Variants in TRPC5OS observed in about 807,000 individuals in gnomAD.
TRPC5OS encodes the protein putative uncharacterized protein TRPC5OS.
For missense variants in TRPC5OS, 64 were observed against 79.3 expected, an observed-to-expected ratio of 0.81 and a Z score of 0.73; for synonymous variants, 30 against 29.3, an observed-to-expected ratio of 1.02 and a Z score of -0.08.
At chrX:111,876,316 G>A (rs1321784394) in intron 1 of TRPC5OS, 43 bp downstream of exon 1, 2 of 111,449 alleles carry the variant, frequency 1.8e-5, no homozygotes, top group Non-Finnish European at 3.8e-5. Context: ...AAGTCTATGA[G>A]AGAAGACAGA....
intron 1 of TRPC5OS, among the ~76,000 whole-genome samples, chrX:111,885,441 T>C (rs1040059002): frequency 1.8e-5 from 2 of 111,351 alleles, no homozygotes; most frequent in Non-Finnish European, 3.8e-5. Flanking sequence ...CAACTCATCC[T>C]AGTTTTCCTA....
intron 1 of TRPC5OS, among the ~76,000 whole-genome samples, chrX:111,880,165 G>T (rs750289876): frequency 1.1e-4 from 12 of 109,275 alleles, no homozygotes; most frequent in Non-Finnish European, 1.5e-4. Flanking sequence ...ATCTGTCCTT[G>T]CCCTGTAGCA....
intron 1 of TRPC5OS, among the ~76,000 whole-genome samples, chrX:111,892,255 CCTT>C (rs1199157269): frequency 2.7e-5 from 3 of 112,282 alleles, no homozygotes; most frequent in Non-Finnish European, 5.6e-5. Flanking sequence ...ATAATGCTCT[CCTT>C]CTTATCCAAA....
intron 3 of TRPC5OS, among the ~76,000 whole-genome samples, chrX:111,898,954 A>G (rs994696385): frequency 9.1e-6 from 1 of 110,251 alleles, no homozygotes; most frequent in African/African-American, 3.3e-5. Flanking sequence ...CTAGGCATAA[A>G]CTATCCAAAA....
chrX:111,900,205 A>G (rs1569527719), intron 3 of TRPC5OS, among the ~76,000 whole-genome samples: 1 of 111,664 alleles, frequency 9.0e-6, no homozygotes, highest in African/African-American at 3.3e-5. Context: ...GCTGGGCCCC[A>G]CTCTGGTCAG....
chrX:111,890,866 C>T (rs770593599), intron 1 of TRPC5OS, among the ~76,000 whole-genome samples: 1 of 111,365 alleles, frequency 9.0e-6, no homozygotes, highest in South Asian at 3.9e-4. Context: ...CCTTTCCCTC[C>T]TCCCACCCTC....
In TRPC5OS at chrX:111,902,024, C is replaced by A; in HGVS notation, c.175C>A (p.Pro59Thr). Reference protein sequence around the residue: ...TEADAPLPEEPSLPDLPDLSD... With the variant: ...TEADAPLPEETSLPDLPDLSD... ...AGCAGATGCACCTCTTCCCGAGGAG[C>A]CTTCGCTACCTGATCTCCCTGATCT... Residue 59 changes from proline to threonine, a missense_variant, in exon 4 of 4, where the codon CCT (proline) becomes ACT (threonine). By Grantham distance (38) the Pro-to-Thr change is conservative (BLOSUM62 -1). Transcript: ENST00000635763. 8.7e-7 allele frequency: 1 copy of A among 1,155,445 alleles called. No individual in the cohort carries two copies. Among genetic ancestry groups the A allele is most frequent in the Non-Finnish European group, 1.1e-6 (1 of 872,674 alleles).
At chrX:111,899,426 CAAGAA>C (rs1489214174) in intron 3 of TRPC5OS, among the ~76,000 whole-genome samples, 4 of 109,863 alleles carry the variant, frequency 3.6e-5, no homozygotes, top group African/African-American at 1.3e-4. Context: ...GAGAGAGAGA[CAAGAA>C]AAGATGATGG....
At chrX:111,887,215 G>T (rs1350115840) in intron 1 of TRPC5OS, among the ~76,000 whole-genome samples, 1 of 112,627 alleles carries the variant, frequency 8.9e-6, no homozygotes, top group Non-Finnish European at 1.9e-5. Context: ...AGTGGGTAAT[G>T]CCAGAGGAAG....
chrX:111,890,550 A>G (rs1354105660), intron 1 of TRPC5OS, among the ~76,000 whole-genome samples: 2 of 110,967 alleles, frequency 1.8e-5, no homozygotes, highest in Admixed American at 9.6e-5. Context: ...CCTGGAACCA[A>G]TCCTCCTGTA....
In TRPC5OS at chrX:111,888,833, A is replaced by G. The variant is rs139280874; in HGVS notation, c.-545-7118A>G. On this transcript the variant is annotated intron_variant, in intron 1 of 3. Coordinates refer to ENST00000635763, the MANE Select transcript of TRPC5OS (RefSeq NM_001195578.2). ...GATGATAGTGTGATGGTGTCTCACA[A>G]TGACAAGTGATCAGATTGTGGATAT... 1.2e-4 allele frequency among the ~76,000 whole-genome samples: 13 copies of G among 111,443 alleles called. No homozygotes were observed. The East Asian group carries it at 3.7e-3, about 31-fold the overall frequency.
At chrX:111,882,151 C>T (rs1404801615) in intron 1 of TRPC5OS, 1 of 112,005 alleles carries the variant, frequency 8.9e-6, no homozygotes, top group East Asian at 2.8e-4. Flanking sequence ...TACAAAATGT[C>T]AGTGTCCTGG....
In TRPC5OS at chrX:111,902,235, C is replaced by T. The variant is rs1181482609; in HGVS notation, c.*50C>T. 4.8e-6 allele frequency: 4 copies of T among 834,109 alleles called. No individual in the cohort carries two copies. Among genetic ancestry groups the T allele is most frequent in the Non-Finnish European group, 6.5e-6 (4 of 615,670 alleles). The allele number at this position is 834,109 out of a possible 1,213,427, so 68.7% of individuals were successfully genotyped here. ...AGGGATGTGAAAACTGATCATTTCTCTGTTTTAATATATTCTTATTTTCTG... is the reference window on the plus strand; with the variant it reads ...AGGGATGTGAAAACTGATCATTTCTTTGTTTTAATATATTCTTATTTTCTG... On this transcript the variant is annotated 3_prime_UTR_variant, in exon 4 of 4. Transcript: ENST00000635763.
At chrX:111,878,695 A>G (rs1000564298) in intron 1 of TRPC5OS, among the ~76,000 whole-genome samples, 2 of 111,319 alleles carry the variant, frequency 1.8e-5, no homozygotes, top group Non-Finnish European at 3.8e-5. Flanking sequence ...TGATGGGCAG[A>G]TGGGTGGGTG....
chrX:111,899,407 C>T (rs1315805809), intron 3 of TRPC5OS, among the ~76,000 whole-genome samples: 1 of 110,489 alleles, frequency 9.1e-6, no homozygotes, highest in African/African-American at 3.3e-5. Flanking sequence ...AATTTTTTTC[C>T]AGTTTTAGGA....
intron 1 of TRPC5OS, among the ~76,000 whole-genome samples, chrX:111,883,316 C>G (rs1292592902): frequency 8.9e-6 from 1 of 111,979 alleles, no homozygotes. Flanking sequence ...CCAACTGGGA[C>G]CTATTCAGGG....
intron 1 of TRPC5OS, among the ~76,000 whole-genome samples, chrX:111,880,067 A>T (rs1442538690): frequency 1.8e-5 from 2 of 110,527 alleles, no homozygotes; most frequent in African/African-American, 3.3e-5. Flanking sequence ...TAAAATGAAG[A>T]TTATATTCAT....
intron 1 of TRPC5OS, among the ~76,000 whole-genome samples, chrX:111,880,761 T>G (rs967246228): frequency 1.8e-5 from 2 of 112,310 alleles, no homozygotes; most frequent in Non-Finnish European, 3.8e-5. Context: ...TTGGAACCAA[T>G]TACCAGTCTT....
chrX:111,899,700 C>G (rs1178669401), intron 3 of TRPC5OS, among the ~76,000 whole-genome samples: 1 of 110,958 alleles, frequency 9.0e-6, no homozygotes, highest in Non-Finnish European at 1.9e-5. Flanking sequence ...TGTGATGGTG[C>G]TCTCTTACAA....
Sources: gnomAD v4.1 joint callset for allele counts (sites outside exome capture counted in the v4.1 genomes callset) on GRCh38, gnomAD v4.1.1 for gene constraint, MANE v1.5 for transcripts, NCBI Gene and HGNC (gene_info 2026-07-23, HGNC 2026-07-21) for gene names.